CTNNA3: variants seen among roughly 807,000 people sequenced by gnomAD.
CTNNA3 encodes catenin alpha 3.
Under a neutral mutation model 95.7 loss-of-function variants are expected in CTNNA3, and 76 were observed. The ratio of observed to expected loss-of-function variants is 0.79; its 90% CI spans 0.66 to 0.96. CTNNA3 has a LOEUF of 0.96. CTNNA3 is among the 40% of genes least tolerant of loss of function. The pLI is 0.00. For synonymous variants in CTNNA3, 431 were observed against 374.4 expected, an observed-to-expected ratio of 1.15 and a Z score of -1.74; for missense variants, 1,191 against 1,089.8, an observed-to-expected ratio of 1.09 and a Z score of -1.31.
intron 5 of CTNNA3, among the ~76,000 whole-genome samples, chr10:67,407,857 C>A (rs979640863): frequency 2.0e-5 from 3 of 152,104 alleles, no homozygotes; most frequent in Non-Finnish European, 4.4e-5. Context: ...ATACAGCTAA[C>A]AGGGAAGTGA....
chr10:67,132,810 A>G (rs1449999769), intron 7 of CTNNA3, among the ~76,000 whole-genome samples: 1 of 152,062 alleles, frequency 6.6e-6, no homozygotes, highest in African/African-American at 2.4e-5. Context: ...GAAATAAGCC[A>G]GGCACAGAAA....
At chr10:67,740,612 T>C (rs1298544880) in intron 1 of CTNNA3, among the ~76,000 whole-genome samples, 2 of 151,396 alleles carry the variant, frequency 1.3e-5, no homozygotes, top group South Asian at 2.1e-4. Flanking sequence ...CAATGAGATA[T>C]CATCTCACAC....
At chr10:67,311,555 T>G (rs546620378) in intron 5 of CTNNA3, among the ~76,000 whole-genome samples, 49 of 152,310 alleles carry the variant, frequency 3.2e-4, no homozygotes, top group African/African-American at 1.1e-3. Context: ...TGGTTGTGGT[T>G]ACCTGAATGG....
At chr10:67,190,660 C>A (rs1411648485) in intron 6 of CTNNA3, among the ~76,000 whole-genome samples, 1 of 151,660 alleles carries the variant, frequency 6.6e-6, no homozygotes, top group Non-Finnish European at 1.5e-5. Context: ...TCTTTGTTTA[C>A]CAGAATGAAT....
chr10:66,675,040 T>C (rs191043002), intron 9 of CTNNA3, among the ~76,000 whole-genome samples: 67 of 152,154 alleles, frequency 4.4e-4, no homozygotes, highest in Admixed American at 2.2e-3. Flanking sequence ...AGAGGGCCTC[T>C]TGTGTGATTC....
chr10:67,457,805 T>A (rs1323002648), intron 5 of CTNNA3, among the ~76,000 whole-genome samples: 1 of 152,164 alleles, frequency 6.6e-6, no homozygotes, highest in Non-Finnish European at 1.5e-5. Context: ...CAAGTCCTTC[T>A]CATGCTGCCA....
intron 13 of CTNNA3, among the ~76,000 whole-genome samples, chr10:66,123,009 C>T (rs1452677579): frequency 6.6e-6 from 1 of 152,110 alleles, no homozygotes; most frequent in Non-Finnish European, 1.5e-5. Context: ...CACCCCAGCC[C>T]CTCCCAAATC....
intron 1 of CTNNA3, among the ~76,000 whole-genome samples, chr10:67,691,850 C>T (rs1207084961): frequency 2.1e-5 from 3 of 146,316 alleles, no homozygotes; most frequent in Non-Finnish European, 3.0e-5. Context: ...AGTGAGGAGC[C>T]CCTCTGCCTG....
At position 67,535,330 on chromosome 10, in the gene CTNNA3, A is replaced by G. The variant is rs965858195; in HGVS notation, c.459+4173T>C. On this transcript the variant is annotated intron_variant, in intron 4 of 17. Coordinates refer to ENST00000433211, the MANE Select transcript of CTNNA3 (RefSeq NM_013266.4). ...CATGTCATTAAACATTTTTTCATGA[A>G]TAAATTTGAAAATGATATCAGGTTA... Among the ~76,000 whole-genome samples, 4 of 152,156 alleles carry G rather than the reference A, an allele frequency of 2.6e-5. No homozygotes were observed. The East Asian group carries it at 7.7e-4, about 29-fold the overall frequency.
At chr10:66,166,490 G>C (rs1353886205) in intron 13 of CTNNA3, among the ~76,000 whole-genome samples, 2 of 107,814 alleles carry the variant, frequency 1.9e-5, no homozygotes, top group Admixed American at 1.1e-4. Flanking sequence ...CAGAGTGACA[G>C]TCTGTCTCAA....
intron 9 of CTNNA3, among the ~76,000 whole-genome samples, chr10:66,685,206 C>CCT (rs547429895): frequency 8.6e-6 from 1 of 116,900 alleles, no homozygotes; most frequent in Non-Finnish European, 1.8e-5. Context: ...TATATATATA[C>CCT]GTATATATAT....
chr10:67,391,064 G>C (rs1166014360), intron 5 of CTNNA3, among the ~76,000 whole-genome samples: 1 of 150,590 alleles, frequency 6.6e-6, no homozygotes, highest in Non-Finnish European at 1.5e-5. Context: ...AGGGCAATTA[G>C]GCAGGAGAAG....
At chr10:66,910,639 T>A (rs1846184076) in intron 7 of CTNNA3, among the ~76,000 whole-genome samples, 1 of 152,142 alleles carries the variant, frequency 6.6e-6, no homozygotes, top group Admixed American at 6.5e-5. Context: ...TAAAGCCAAC[T>A]CCATGGCGAG....
intron 12 of CTNNA3, among the ~76,000 whole-genome samples, chr10:66,357,917 G>A (rs1466555886): frequency 6.6e-6 from 1 of 152,048 alleles, no homozygotes; most frequent in Non-Finnish European, 1.5e-5. Flanking sequence ...CACCAGCATT[G>A]TGTCCAATTT....
intron 7 of CTNNA3, among the ~76,000 whole-genome samples, chr10:67,133,857 C>A (rs1200592183): frequency 1.3e-5 from 2 of 151,976 alleles, no homozygotes; most frequent in Non-Finnish European, 2.9e-5. Flanking sequence ...TAATGATTTT[C>A]TTTATTTAGA....
At chr10:67,460,348 T>C (rs1353078214) in intron 5 of CTNNA3, among the ~76,000 whole-genome samples, 1 of 152,178 alleles carries the variant, frequency 6.6e-6, no homozygotes, top group African/African-American at 2.4e-5. Flanking sequence ...ACTGGTAATA[T>C]GTAAAGTGTG....
chr10:66,445,800 A>G (rs7093148), intron 11 of CTNNA3, among the ~76,000 whole-genome samples: 40,087 of 151,854 alleles, frequency 0.26, 5,447 homozygotes, highest in South Asian at 0.39. Flanking sequence ...AAAAGCTAGC[A>G]GAAGGCAAGA....
At chr10:67,625,925 C>T (rs1013955785) in intron 2 of CTNNA3, among the ~76,000 whole-genome samples, 3 of 152,134 alleles carry the variant, frequency 2.0e-5, no homozygotes, top group African/African-American at 7.2e-5. Flanking sequence ...TGGCTTATGC[C>T]TGTAATCCCA....
chr10:65,985,146 T>G (rs1343606065), intron 16 of CTNNA3, among the ~76,000 whole-genome samples: 1 of 151,056 alleles, frequency 6.6e-6, no homozygotes, highest in Non-Finnish European at 1.5e-5. Flanking sequence ...AGGAGAGAGT[T>G]CTTCATTTTC....
Sources: allele counts gnomAD v4.1 joint callset (sites outside exome capture counted in the v4.1 genomes callset), GRCh38; gene constraint gnomAD v4.1.1; transcripts MANE v1.5; gene names NCBI Gene and HGNC (gene_info 2026-07-23, HGNC 2026-07-21).